The following FKBP15 variants were observed in gnomAD, a reference collection of about 807,000 sequenced individuals.
FKBP15 encodes FK506-binding protein 15.
FKBP15 carries 106 observed loss-of-function variants against 158.1 expected under a neutral mutation model. The observed-to-expected ratio is 0.67, with a 90% CI of 0.57 to 0.79. The LOEUF is 0.79. Ranked by LOEUF, FKBP15 falls within the 30% of genes least tolerant of loss-of-function variation. The pLI, the probability that FKBP15 is intolerant of heterozygous loss-of-function variation, is 0.00. For missense variants in FKBP15, 1,287 were observed against 1,479.1 expected (o/e 0.87, Z 2.13); for synonymous variants, 547 against 548.6 (o/e 1.00, Z 0.04).
intron 5 of FKBP15, 94 bp from the exon 6 acceptor site, chr9:113,202,723 G>A: frequency 2.0e-6 from 2 of 995,926 alleles, no homozygotes; most frequent in Non-Finnish European, 3.1e-6. Context: ...CTTGACTCAG[G>A]TGGACCCAAA....
rs1046422575 is a variant in FKBP15, at chr9:113,209,331, T to C, written c.170-2035A>G. Among the ~76,000 whole-genome samples, 7 of 152,322 alleles carry C rather than the reference T, an allele frequency of 4.6e-5. No individual in the cohort carries two copies. In the East Asian group the frequency reaches 1.2e-3, roughly 25 times the overall value. On this transcript the variant is annotated intron_variant, in intron 2 of 27. Coordinates refer to ENST00000238256, the MANE Select transcript of FKBP15 (RefSeq NM_015258.2). ...AAAATAAAAAACCAAGTGTTTTCAT[T>C]GGGTGGGAACTAAGGTTGTTTCTTT... is the stretch of plus-strand genomic sequence containing the variant.
chr9:113,183,908 G>T, intron 17 of FKBP15, 63 bp from the exon 18 acceptor site: 2 of 1,204,016 alleles, frequency 1.7e-6, no homozygotes, highest in South Asian at 2.5e-5. Flanking sequence ...AGATAGAAGA[G>T]AATCAACTTG....
rs1831250499 is a variant in FKBP15, at chr9:113,221,232, C to T, written c.12G>A (p.Ala4=). MFG[A]GDEDDTDFLS... ...GGAAATCGGTGTCGTCCTCGTCCCC[C>T]GCACCGAACATTGCGTTGGCTTTCA... Residue 4 remains alanine, a synonymous_variant, in exon 1 of 28, where the codon GCG becomes GCA. Transcript: ENST00000238256. The T allele has an allele frequency of 1.3e-5, 21 of 1,608,480 alleles. 1 individual carries two copies. The East Asian group carries it at 4.5e-4, about 34-fold the overall frequency.
At position 113,163,529 on chromosome 9, in the gene FKBP15, T is replaced by A. The variant is rs554111575; in HGVS notation, c.*2549A>T. On this transcript the variant is annotated 3_prime_UTR_variant, in exon 28 of 28. Transcript: ENST00000238256. ...AATTTTGCACATTCATACAAAAAAATTTTTAATGAAATGATTTCATTGATT... is the reference window on the plus strand; with the variant it reads ...AATTTTGCACATTCATACAAAAAAAATTTTAATGAAATGATTTCATTGATT... 1.3e-5 allele frequency: 2 copies of A among 152,664 alleles called. No individual in the cohort carries two copies. Among genetic ancestry groups the A allele is most frequent in the African/African-American group, 2.4e-5 (1 of 41,454 alleles). The allele number at this position is 152,664 out of a possible 1,614,324, so 9.5% of individuals were successfully genotyped here. A position where few individuals can be genotyped will look rare whatever the true frequency, so the allele number is the denominator to read the frequency against.
intron 1 of FKBP15, among the ~76,000 whole-genome samples, chr9:113,218,377 T>TATATATA (rs1831184208): frequency 2.0e-5 from 2 of 101,504 alleles, no homozygotes; most frequent in Admixed American, 1.1e-4. Flanking sequence ...GTAAATACAA[T>TATATATA]TATATATATA....
chr9:113,176,747 T>C (rs1830306131), intron 20 of FKBP15, 74 bp from the exon 21 acceptor site: 1 of 1,473,810 alleles, frequency 6.8e-7, no homozygotes, highest in Admixed American at 2.3e-5. Flanking sequence ...CCAGCAGCTC[T>C]TTTTTTAAAT....
At chr9:113,196,383 T>A (rs1564174267) in intron 9 of FKBP15, among the ~76,000 whole-genome samples, 1 of 5,930 alleles carries the variant, frequency 1.7e-4, no homozygotes, top group East Asian at 0.01. Context: ...AGAAGTGACT[T>A]TTTTTTTTTT....
intron 23 of FKBP15, among the ~76,000 whole-genome samples, chr9:113,172,836 G>A: frequency 6.6e-6 from 1 of 152,188 alleles, no homozygotes; most frequent in Admixed American, 6.5e-5. Flanking sequence ...GAAAGAAACT[G>A]ACCTCGAATA....
intron 9 of FKBP15, among the ~76,000 whole-genome samples, chr9:113,196,576 G>A (rs1250730273): frequency 6.6e-6 from 1 of 151,934 alleles, no homozygotes; most frequent in East Asian, 1.9e-4. Flanking sequence ...GTAGAGATGG[G>A]GTTTCACCAT....
chr9:113,191,154 A>G (rs11793226), intron 11 of FKBP15, among the ~76,000 whole-genome samples: 20,813 of 151,954 alleles, frequency 0.14, 1,850 homozygotes, highest in Non-Finnish European at 0.19. Context: ...GAAGGAAATG[A>G]TCATAACCTC....
chr9:113,166,773 G>C (rs1830105746), intron 27 of FKBP15, among the ~76,000 whole-genome samples: 1 of 152,176 alleles, frequency 6.6e-6, no homozygotes, highest in Admixed American at 6.5e-5. Context: ...CTAAGGTAGT[G>C]GGGGTGAAAG....
At position 113,169,745 on chromosome 9, in the gene FKBP15, G is replaced by T. The variant is rs762306083; in HGVS notation, c.2964C>A (p.Val988=). ...ESPMVPSEQV[V]EEAVPLPPQA... The stretch of plus-strand genomic sequence containing the variant: ...GAGGAGGCAACGGGACAGCTTCCTC[G>T]ACCACCTGCTCTGAGGGCACCATGG... Residue 988 remains valine, a synonymous_variant, in exon 26 of 28, where the codon GTC becomes GTA. Coordinates refer to ENST00000238256, the MANE Select transcript of FKBP15 (RefSeq NM_015258.2). 6.2e-7 allele frequency: 1 copy of T among 1,611,776 alleles called. No homozygotes were observed. Among genetic ancestry groups the T allele is most frequent in the African/African-American group, 1.3e-5 (1 of 75,004 alleles).
At position 113,190,454 on chromosome 9, in the gene FKBP15, C is replaced by T. The variant is rs768600697; in HGVS notation, c.1173+17G>A. On this transcript the variant is annotated intron_variant, in intron 12 of 27. Coordinates refer to ENST00000238256, the MANE Select transcript of FKBP15 (RefSeq NM_015258.2). ...GACATCTGTACTATTCATTCTAATA[C>T]AGCCAGGGGGACATACTTCGATTTC... The T allele has an allele frequency of 1.9e-6, 3 of 1,574,248 alleles. No individual in the cohort carries two copies. In the Admixed American group the frequency reaches 5.3e-5, roughly 28 times the overall value.
chr9:113,188,569 C>T, intron 12 of FKBP15, 78 bp from the exon 13 acceptor site: 1 of 1,167,450 alleles, frequency 8.6e-7, no homozygotes, highest in African/African-American at 1.5e-5. Flanking sequence ...CTGCCCTAAA[C>T]CTGCTTCCAA....
chr9:113,181,077 C>T (rs529761657), intron 19 of FKBP15, among the ~76,000 whole-genome samples: 1 of 152,324 alleles, frequency 6.6e-6, no homozygotes, highest in South Asian at 2.1e-4. Flanking sequence ...ACATGTGGTA[C>T]TTGGCATCCC....
At chr9:113,185,342 AAGAGAGGAAAGAGGGAC>A (rs1830467260) in intron 15 of FKBP15, among the ~76,000 whole-genome samples, 2 of 151,154 alleles carry the variant, frequency 1.3e-5, no homozygotes. Context: ...TGTTTGTGGG[AAGAGAGGAAAGAGGGAC>A]AGAGAATAGT....
intron 6 of FKBP15, 138 bp from the exon 7 acceptor site, chr9:113,200,101 G>A (rs1830760773): frequency 2.0e-6 from 2 of 975,734 alleles, no homozygotes; most frequent in East Asian, 5.5e-5. Flanking sequence ...CCAAACGGAA[G>A]CCAGTTATCT....
At chr9:113,189,984 C>G (rs1378747155) in intron 12 of FKBP15, among the ~76,000 whole-genome samples, 1 of 152,082 alleles carries the variant, frequency 6.6e-6, no homozygotes, top group Non-Finnish European at 1.5e-5. Context: ...AGAAAATTGA[C>G]AGACTTGAAT....
At chr9:113,174,291 T>C in intron 22 of FKBP15, 137 bp downstream of exon 22, 2 of 900,110 alleles carry the variant, frequency 2.2e-6, no homozygotes, top group Non-Finnish European at 3.3e-6. Context: ...CTGGATTACT[T>C]TTTCTACCTT....
Sources: gnomAD v4.1 joint callset for allele counts (sites outside exome capture counted in the v4.1 genomes callset) on GRCh38, gnomAD v4.1.1 for gene constraint, MANE v1.5 for transcripts, NCBI Gene and HGNC (gene_info 2026-07-23, HGNC 2026-07-21) for gene names.